The following PRKAR2A variants were observed in gnomAD, a reference collection of about 807,000 sequenced individuals.
PRKAR2A encodes protein kinase cAMP-dependent type II regulatory subunit alpha.
Under a neutral mutation model 51.9 loss-of-function variants are expected in PRKAR2A, and 29 were observed. The observed-to-expected ratio is 0.56, with a 90% CI of 0.42 to 0.76. The LOEUF is 0.76. Among genes scored for constraint, PRKAR2A ranks in the 30% least tolerant of loss-of-function variants. PRKAR2A has a pLI of 0.00. For synonymous variants in PRKAR2A, 178 were observed against 186.2 expected (o/e 0.96, Z 0.36); for missense variants, 445 against 512.1 (o/e 0.87, Z 1.26).
intron 1 of PRKAR2A, among the ~76,000 whole-genome samples, chr3:48,832,075 C>A (rs2083197872): frequency 6.6e-6 from 1 of 151,996 alleles, no homozygotes; most frequent in Non-Finnish European, 1.5e-5. Flanking sequence ...AGGTAGATCA[C>A]CTAAGGTCAG....
chr3:48,798,574 T>C (rs1179338080), intron 2 of PRKAR2A, among the ~76,000 whole-genome samples: 1 of 151,866 alleles, frequency 6.6e-6, no homozygotes, highest in South Asian at 2.1e-4. Flanking sequence ...GAATAATACA[T>C]TAAAAAAAAA....
intron 2 of PRKAR2A, among the ~76,000 whole-genome samples, chr3:48,798,379 CTTGA>C (rs1398695924): frequency 2.0e-5 from 3 of 152,118 alleles, no homozygotes; most frequent in African/African-American, 7.2e-5. Context: ...TCTCTGTGCT[CTTGA>C]TTAATGCCAT....
At chr3:48,842,810 G>C (rs2083401169) in intron 1 of PRKAR2A, among the ~76,000 whole-genome samples, 1 of 152,188 alleles carries the variant, frequency 6.6e-6, no homozygotes, top group Non-Finnish European at 1.5e-5. Flanking sequence ...GCTGGATTCA[G>C]TTTGCCAGTA....
At chr3:48,770,675 C>T (rs1287032856) in intron 6 of PRKAR2A, among the ~76,000 whole-genome samples, 1 of 151,982 alleles carries the variant, frequency 6.6e-6, no homozygotes, top group African/African-American at 2.4e-5. Flanking sequence ...AAATGACTGC[C>T]AAAGGCAAGG....
intron 2 of PRKAR2A, among the ~76,000 whole-genome samples, chr3:48,796,359 C>G (rs1010681990): frequency 5.3e-5 from 8 of 152,198 alleles, no homozygotes; most frequent in East Asian, 1.9e-4. Flanking sequence ...TCCATTTGTT[C>G]TGGGTTTTAG....
intron 1 of PRKAR2A, among the ~76,000 whole-genome samples, chr3:48,821,439 AAGAATTTTTAAATATGCAAGTTCCC>A (rs2082958651): frequency 6.6e-6 from 1 of 152,192 alleles, no homozygotes; most frequent in Non-Finnish European, 1.5e-5. Context: ...CCAATTTCCC[AAGAATTTTTAAATATGCAAGTTCCC>A]TGGTTTTTAG....
Position 48,751,444 on chromosome 3 carries a change from T to C in PRKAR2A, c.*141A>G, listed in dbSNP as rs2081645598. ...TCCTTTAGTGCTGACTTTCAAGTTT[T>C]CTAAATGCCCATAACCACAGCAATG... On this transcript the variant is annotated 3_prime_UTR_variant, in exon 11 of 11. Coordinates refer to ENST00000265563, the MANE Select transcript of PRKAR2A (RefSeq NM_004157.4). The C allele has an allele frequency of 2.3e-6, 3 of 1,283,894 alleles. No individual in the cohort carries two copies. Among genetic ancestry groups the C allele is most frequent in the African/African-American group, 2.9e-5 (2 of 68,322 alleles). The allele number at this position is 1,283,894 out of a possible 1,614,324, so 79.5% of individuals were successfully genotyped here. A position where few individuals can be genotyped will look rare whatever the true frequency, so the allele number is the denominator to read the frequency against.
At chr3:48,763,691 T>C (rs541724584) in intron 8 of PRKAR2A, among the ~76,000 whole-genome samples, 1 of 152,250 alleles carries the variant, frequency 6.6e-6, no homozygotes, top group South Asian at 2.1e-4. Context: ...AACATTGAAA[T>C]TGCACTTGTT....
Position 48,790,608 on chromosome 3 carries a change from TC to T in PRKAR2A, c.370del (p.Asp124MetfsTer36). 2 of 1,515,106 alleles carry T rather than the reference TC, an allele frequency of 1.3e-6. No individual in the cohort carries two copies. The highest frequency in any genetic ancestry group is 1.4e-5 in the South Asian group (1 of 72,202). The allele number at this position is 1,515,106 out of a possible 1,614,324, so 93.9% of individuals were successfully genotyped here. On this transcript the variant is annotated frameshift_variant, in exon 4 of 11. Coordinates refer to ENST00000265563, the MANE Select transcript of PRKAR2A (RefSeq NM_004157.4). LOFTEE classifies it high-confidence loss of function. ...TTCCTGAAGTCTGCATCTCTGTTCA[TC>T]AGTTTTAGGATGAATCACCTGCCAA... ...TDPRVIHPKT[D>X]EQRCRLQEAC...
At chr3:48,806,708 G>A (rs2082679781) in intron 2 of PRKAR2A, among the ~76,000 whole-genome samples, 2 of 151,910 alleles carry the variant, frequency 1.3e-5, no homozygotes, top group African/African-American at 4.8e-5. Flanking sequence ...CCAGATAAAA[G>A]GGCAAAATAT....
rs1037867394 is a variant in PRKAR2A, at chr3:48,750,559, T to C, written c.*1026A>G. 1.3e-5 allele frequency: 2 copies of C among 152,228 alleles called. No homozygotes were observed. The highest frequency in any genetic ancestry group is 4.8e-5 in the African/African-American group (2 of 41,432). 9.4% of individuals were successfully genotyped at this position (152,228 alleles called of 1,614,324 possible). A position where few individuals can be genotyped will look rare whatever the true frequency, so the allele number is the denominator to read the frequency against. On this transcript the variant is annotated 3_prime_UTR_variant, in exon 11 of 11. Coordinates refer to ENST00000265563, the MANE Select transcript of PRKAR2A (RefSeq NM_004157.4). ...CTGCTTCTTTAAAGAGTTTAAAAAT[T>C]GATCGGTTCAATGGCAAAGCTACAC...
At chr3:48,825,020 TTTC>T (rs1242006549) in intron 1 of PRKAR2A, among the ~76,000 whole-genome samples, 27 of 144,046 alleles carry the variant, frequency 1.9e-4, no homozygotes, top group African/African-American at 6.3e-4. Flanking sequence ...TTATACTGAT[TTTC>T]TTTTCTTTTT....
chr3:48,759,049 C>A (rs895522116), intron 8 of PRKAR2A, among the ~76,000 whole-genome samples: 5 of 152,156 alleles, frequency 3.3e-5, no homozygotes, highest in African/African-American at 1.2e-4. Context: ...TACTTCACTA[C>A]AATGGATTAT....
chr3:48,765,180 TAAC>T lies in PRKAR2A; in HGVS notation c.798+65_798+67del, dbSNP rs962763484. 10 of 1,549,404 alleles carry T rather than the reference TAAC, an allele frequency of 6.5e-6. No homozygotes were observed. In the African/African-American group the frequency reaches 1.2e-4, roughly 19 times the overall value. On this transcript the variant is annotated intron_variant, in intron 7 of 10. Transcript: ENST00000265563. ...ATTAGAATAGTATGATTTGAAAACC[TAAC>T]AACAGAATAGTTTTAAAAGCTTTTC...
At chr3:48,771,654 C>T (rs2082030363) in intron 6 of PRKAR2A, among the ~76,000 whole-genome samples, 1 of 152,042 alleles carries the variant, frequency 6.6e-6, no homozygotes, top group South Asian at 2.1e-4. Context: ...AATTCCTGGA[C>T]TCAATCCTCC....
chr3:48,779,292 C>T (rs13074318), intron 5 of PRKAR2A, among the ~76,000 whole-genome samples: 10,933 of 152,050 alleles, frequency 0.072, 529 homozygotes, highest in Middle Eastern at 0.11. Flanking sequence ...CAAAGAATAA[C>T]CCCTTTTGTT....
At chr3:48,769,955 T>A (rs756622496) in intron 6 of PRKAR2A, among the ~76,000 whole-genome samples, 2 of 152,152 alleles carry the variant, frequency 1.3e-5, no homozygotes, top group African/African-American at 2.4e-5. Flanking sequence ...TTCTTATTTT[T>A]CATAGAGACA....
chr3:48,826,902 A>C (rs962197188), intron 1 of PRKAR2A, among the ~76,000 whole-genome samples: 4 of 152,030 alleles, frequency 2.6e-5, no homozygotes, highest in African/African-American at 4.8e-5. Context: ...AACAAAGTAA[A>C]CTTAAAAAAA....
chr3:48,817,198 A>G (rs1026235125), intron 1 of PRKAR2A, among the ~76,000 whole-genome samples: 1 of 151,846 alleles, frequency 6.6e-6, no homozygotes, highest in Non-Finnish European at 1.5e-5. Context: ...ATGGTGGCAC[A>G]TGCCTGTAGT....
Sources: allele counts gnomAD v4.1 joint callset (sites outside exome capture counted in the v4.1 genomes callset), GRCh38; gene constraint gnomAD v4.1.1; transcripts MANE v1.5; gene names NCBI Gene and HGNC (gene_info 2026-07-23, HGNC 2026-07-21).